NRXN1: variants seen among roughly 807,000 people sequenced by gnomAD.
The protein encoded by NRXN1 is neurexin 1.
Under a neutral mutation model 150.9 loss-of-function variants are expected in NRXN1, and 39 were observed. That is an observed-to-expected ratio of 0.26 (90% CI 0.20 to 0.34). NRXN1 has a LOEUF of 0.34. NRXN1 is among the 10% of genes least tolerant of loss of function. The probability of loss-of-function intolerance (pLI) is 1.00; values close to 1 mark genes in which losing one functional copy is unlikely to be tolerated. For missense variants in NRXN1, 1,815 were observed against 1,949.9 expected (o/e 0.93, Z 1.30); for synonymous variants, 924 against 757.0 (o/e 1.22, Z -3.62).
intron 21 of NRXN1, among the ~76,000 whole-genome samples, chr2:49,946,066 T>C (rs572560221): frequency 2.5e-4 from 38 of 152,324 alleles, no homozygotes; most frequent in African/African-American, 8.7e-4. Context: ...GACTTTTTAA[T>C]GATTGCCATT....
At chr2:50,019,641 C>CAAAAAAAAAAAAAAAAAAAAAAAAAA (rs764073226) in intron 21 of NRXN1, among the ~76,000 whole-genome samples, 9 of 25,552 alleles carry the variant, frequency 3.5e-4, no homozygotes, top group Admixed American at 6.2e-4. Context: ...GATTCCGTCT[C>CAAAAAAAAAAAAAAAAAAAAAAAAAA]AAAAAAAAAA....
intron 18 of NRXN1, among the ~76,000 whole-genome samples, chr2:50,203,818 G>A (rs779935664): frequency 2.0e-5 from 3 of 151,924 alleles, no homozygotes; most frequent in Non-Finnish European, 4.4e-5. Flanking sequence ...TTTTTTCTTA[G>A]AGCTGAAAAC....
intron 5 of NRXN1, among the ~76,000 whole-genome samples, chr2:50,835,233 T>A (rs899667714): frequency 2.2e-4 from 34 of 152,214 alleles, no homozygotes; most frequent in African/African-American, 7.5e-4. Flanking sequence ...AAAAAAAATT[T>A]AAACTCCTAA....
At chr2:50,903,310 C>A (rs1449825496) in intron 5 of NRXN1, among the ~76,000 whole-genome samples, 1 of 152,088 alleles carries the variant, frequency 6.6e-6, no homozygotes, top group Admixed American at 6.6e-5. Flanking sequence ...TCTTGTTGAC[C>A]AAAATGACTT....
chr2:50,378,261 TA>T (rs1475276239), intron 17 of NRXN1, among the ~76,000 whole-genome samples: 2 of 152,210 alleles, frequency 1.3e-5, no homozygotes, highest in Admixed American at 1.3e-4. Context: ...CATGAGAATT[TA>T]CAATAAGTAG....
chr2:50,228,557 G>C lies in NRXN1; in HGVS notation c.3546+8232C>G, dbSNP rs76253723. ...AGCAGTTGGAAATATTAGTATGGTA[G>C]TGACAGAAGTCTGGGATGGAGATGT... is the stretch of plus-strand genomic sequence containing the variant. On this transcript the variant is annotated intron_variant, in intron 18 of 22. Transcript: ENST00000401669. Among the ~76,000 whole-genome samples, 291 of 152,136 alleles carry C rather than the reference G, an allele frequency of 1.9e-3. 2 individuals are homozygous for C. The highest frequency in any genetic ancestry group is 6.9e-3 in the African/African-American group (285 of 41,538).
rs77675260 is a variant in NRXN1 at position 50,556,640 on chromosome 2, T to A, written c.1321-3615A>T. On this transcript the variant is annotated intron_variant, in intron 8 of 22. Coordinates refer to ENST00000401669, the MANE Select transcript of NRXN1 (RefSeq NM_001330078.2). ...CATGTTAATATGCAAGAATAGGGCG[T>A]AATATGTTTGTGTTTTCACATTCCT... 3.9e-3 allele frequency among the ~76,000 whole-genome samples: 589 copies of A among 152,204 alleles called. 4 individuals carry two copies. The highest frequency in any genetic ancestry group is 0.014 in the African/African-American group (569 of 41,560).
At chr2:50,977,496 G>C (rs1377736549) in intron 2 of NRXN1, among the ~76,000 whole-genome samples, 2 of 151,862 alleles carry the variant, frequency 1.3e-5, no homozygotes, top group African/African-American at 4.8e-5. Context: ...TCAGTAAGAA[G>C]AAGTATGAAA....
At chr2:50,954,885 G>A (rs1419899217) in intron 2 of NRXN1, among the ~76,000 whole-genome samples, 1 of 152,168 alleles carries the variant, frequency 6.6e-6, no homozygotes, top group Admixed American at 6.5e-5. Context: ...TCAGGATGCA[G>A]GATGGTTCCA....
chr2:50,391,056 C>T (rs964149671), intron 17 of NRXN1, among the ~76,000 whole-genome samples: 1 of 151,934 alleles, frequency 6.6e-6, no homozygotes, highest in African/African-American at 2.4e-5. Context: ...AATGTTTTAC[C>T]TTTAACTTCC....
chr2:50,817,899 C>A (rs1199695691), intron 5 of NRXN1, among the ~76,000 whole-genome samples: 1 of 151,768 alleles, frequency 6.6e-6, no homozygotes, highest in Non-Finnish European at 1.5e-5. Context: ...ACAACATACT[C>A]AAAGGTGAAA....
At chr2:50,547,637 T>C (rs977632957) in intron 9 of NRXN1, 1 of 152,216 alleles carries the variant, frequency 6.6e-6, no homozygotes, top group African/African-American at 2.4e-5. Flanking sequence ...TTAAGTCCAC[T>C]GACTTAGGGG....
intron 19 of NRXN1, among the ~76,000 whole-genome samples, chr2:50,061,013 G>C (rs1694445123): frequency 6.6e-6 from 1 of 152,070 alleles, no homozygotes. Context: ...GTATAAAATA[G>C]TTCAGAATGT....
At chr2:50,127,954 C>A (rs2152743935) in intron 18 of NRXN1, among the ~76,000 whole-genome samples, 1 of 152,308 alleles carries the variant, frequency 6.6e-6, no homozygotes, top group East Asian at 1.9e-4. Flanking sequence ...CTACTGAAAA[C>A]AACTTTCCTT....
chr2:50,190,605 T>A (rs916680223), intron 18 of NRXN1, among the ~76,000 whole-genome samples: 3 of 124,416 alleles, frequency 2.4e-5, no homozygotes, highest in Non-Finnish European at 3.6e-5. Flanking sequence ...CCTTCTAACT[T>A]TTTTTTTCTT....
At chr2:50,828,783 G>A (rs1012043275) in intron 5 of NRXN1, among the ~76,000 whole-genome samples, 6 of 151,098 alleles carry the variant, frequency 4.0e-5, no homozygotes, top group African/African-American at 7.3e-5. Flanking sequence ...TGTCCCAGAC[G>A]ATAGGCGGCC....
intron 5 of NRXN1, among the ~76,000 whole-genome samples, chr2:50,701,804 C>G (rs979745938): frequency 6.6e-6 from 1 of 152,140 alleles, no homozygotes; most frequent in East Asian, 1.9e-4. Context: ...ATCATCTACT[C>G]TTTTCTCTCT....
At chr2:50,626,925 C>T (rs1204615519) in intron 5 of NRXN1, among the ~76,000 whole-genome samples, 3 of 151,708 alleles carry the variant, frequency 2.0e-5, no homozygotes, top group Non-Finnish European at 4.4e-5. Flanking sequence ...GAAGAACACA[C>T]ACAAAAGAAA....
intron 17 of NRXN1, among the ~76,000 whole-genome samples, chr2:50,363,858 T>C (rs1360448817): frequency 1.3e-5 from 2 of 152,196 alleles, no homozygotes; most frequent in Non-Finnish European, 2.9e-5. Flanking sequence ...CCGTCAATAT[T>C]AGACTGGATA....
Sources: allele counts gnomAD v4.1 joint callset (sites outside exome capture counted in the v4.1 genomes callset), GRCh38; gene constraint gnomAD v4.1.1; transcripts MANE v1.5; gene names NCBI Gene and HGNC (gene_info 2026-07-23, HGNC 2026-07-21).